LAPTM5: variants seen among roughly 807,000 people sequenced by gnomAD.
LAPTM5 encodes lysosomal protein transmembrane 5.
Under a neutral mutation model 30.1 loss-of-function variants are expected in LAPTM5, and 11 were observed. That is an observed-to-expected ratio of 0.37 (90% CI 0.23 to 0.60). The LOEUF (loss-of-function observed/expected upper bound fraction) is 0.60, where lower values mean the gene tolerates loss of function less well. Ranked by LOEUF, LAPTM5 falls within the 20% of genes least tolerant of loss-of-function variation. LAPTM5 has a pLI of 0.71. For missense variants in LAPTM5, 324 were observed against 332.5 expected, an observed-to-expected ratio of 0.97 and a Z score of 0.20; for synonymous variants, 151 against 137.9, an observed-to-expected ratio of 1.10 and a Z score of -0.67.
At chr1:30,737,837 C>T (rs1331273605) in intron 5 of LAPTM5, 138 bp from the exon 6 acceptor site, 1 of 585,696 alleles carries the variant, frequency 1.7e-6, no homozygotes, top group Non-Finnish European at 3.0e-6. Flanking sequence ...TGGTCGACCG[C>T]CACAGCAGCC....
At chr1:30,735,531 A>C (rs1639873670) in intron 6 of LAPTM5, among the ~76,000 whole-genome samples, 1 of 152,204 alleles carries the variant, frequency 6.6e-6, no homozygotes, top group African/African-American at 2.4e-5. Flanking sequence ...CCCTGGCAAT[A>C]GTCCCACAGC....
intron 2 of LAPTM5, 98 bp downstream of exon 2, chr1:30,742,358 A>T: frequency 1.3e-6 from 1 of 786,366 alleles, no homozygotes; most frequent in Non-Finnish European, 2.1e-6. Flanking sequence ...TCGTCCATGG[A>T]GAGGTGGCAG....
intron 1 of LAPTM5, among the ~76,000 whole-genome samples, chr1:30,750,547 T>C (rs145073645): frequency 1.3e-5 from 2 of 152,294 alleles, no homozygotes; most frequent in East Asian, 3.9e-4. Flanking sequence ...ATGAGTCCCA[T>C]ATTTTTCTGA....
Position 30,734,655 on chromosome 1 carries a change from T to A in LAPTM5, c.699+518A>T, listed in dbSNP as rs77736166. On this transcript the variant is annotated intron_variant, in intron 7 of 7. Coordinates refer to ENST00000294507, the MANE Select transcript of LAPTM5 (RefSeq NM_006762.3). Reference sequence around the variant, plus strand: ...CACCTTACAGGTGAGGAAAGTAAGTTACCAGGAATTTAAACCGTCACTTTC... The same window carrying A: ...CACCTTACAGGTGAGGAAAGTAAGTAACCAGGAATTTAAACCGTCACTTTC... Among the ~76,000 whole-genome samples the A allele has an allele frequency of 6.9e-3, 1,047 of 152,356 alleles. 13 individuals are homozygous for A. The highest frequency in any genetic ancestry group is 0.024 in the African/African-American group (1,002 of 41,576).
At chr1:30,756,210 A>G (rs1222705163) in intron 1 of LAPTM5, among the ~76,000 whole-genome samples, 1 of 152,118 alleles carries the variant, frequency 6.6e-6, no homozygotes, top group Non-Finnish European at 1.5e-5. Context: ...GAAGGCCTAA[A>G]ATACAGGGTA....
intron 1 of LAPTM5, among the ~76,000 whole-genome samples, chr1:30,744,151 T>A (rs901705991): frequency 8.5e-5 from 13 of 152,102 alleles, no homozygotes; most frequent in Admixed American, 2.0e-4. Flanking sequence ...AGGAGCACGG[T>A]GCATGCTCTA....
At chr1:30,754,016 G>A (rs919209097) in intron 1 of LAPTM5, among the ~76,000 whole-genome samples, 1 of 152,212 alleles carries the variant, frequency 6.6e-6, no homozygotes, top group Non-Finnish European at 1.5e-5. Context: ...GCCCAGTTTT[G>A]ACGTATCCTG....
At chr1:30,748,290 G>A (rs1375800488) in intron 1 of LAPTM5, among the ~76,000 whole-genome samples, 1 of 152,140 alleles carries the variant, frequency 6.6e-6, no homozygotes, top group African/African-American at 2.4e-5. Context: ...GACAGGCCCG[G>A]GCTTGTCTTC....
intron 1 of LAPTM5, among the ~76,000 whole-genome samples, chr1:30,745,563 C>T (rs542791072): frequency 3.3e-5 from 5 of 152,212 alleles, no homozygotes; most frequent in South Asian, 2.1e-4. Flanking sequence ...CGGCAGGGGA[C>T]GAGGGAGGAC....
intron 6 of LAPTM5, 127 bp from the exon 7 acceptor site, chr1:30,735,392 G>A (rs139827360): frequency 2.2e-5 from 16 of 741,532 alleles, no homozygotes; most frequent in African/African-American, 8.7e-5. Context: ...GCTCCTGCTC[G>A]GACCTCTCAT....
intron 1 of LAPTM5, among the ~76,000 whole-genome samples, chr1:30,754,792 C>T (rs1368370540): frequency 2.6e-5 from 4 of 152,168 alleles, no homozygotes; most frequent in Admixed American, 2.0e-4. Context: ...GGCACTGTCT[C>T]AGGATGGCAA....
rs545210161 is a variant in LAPTM5 at position 30,740,669 on chromosome 1, C to G, written c.259-732G>C. ...GGCAACCAGAACAATCTTGACTGATCTCAGAGTCTTCAGGGACCACCTGCT... is the reference window on the plus strand; with the variant it reads ...GGCAACCAGAACAATCTTGACTGATGTCAGAGTCTTCAGGGACCACCTGCT... On this transcript the variant is annotated intron_variant, in intron 3 of 7. Coordinates refer to ENST00000294507, the MANE Select transcript of LAPTM5 (RefSeq NM_006762.3). Among the ~76,000 whole-genome samples the G allele has an allele frequency of 3.3e-5, 5 of 152,174 alleles. No homozygotes were observed. In the South Asian group the frequency reaches 1.0e-3, roughly 32 times the overall value.
At chr1:30,737,558 C>T (rs1277657103) in intron 6 of LAPTM5, 46 bp downstream of exon 6, 5 of 1,448,126 alleles carry the variant, frequency 3.5e-6, no homozygotes, top group Non-Finnish European at 4.8e-6. Flanking sequence ...GGGCCCAGCA[C>T]AGCCTCACCA....
At chr1:30,754,019 G>A (rs929233428) in intron 1 of LAPTM5, among the ~76,000 whole-genome samples, 2 of 152,164 alleles carry the variant, frequency 1.3e-5, no homozygotes, top group African/African-American at 4.8e-5. Flanking sequence ...CAGTTTTGAC[G>A]TATCCTGTTT....
chr1:30,756,990 G>A (rs1257455488), intron 1 of LAPTM5, among the ~76,000 whole-genome samples: 2 of 152,228 alleles, frequency 1.3e-5, no homozygotes, highest in African/African-American at 4.8e-5. Flanking sequence ...GGAGGAACCA[G>A]TGACAGCCGT....
chr1:30,737,295 C>G (rs1334326989), intron 6 of LAPTM5, among the ~76,000 whole-genome samples: 1 of 152,248 alleles, frequency 6.6e-6, no homozygotes, highest in African/African-American at 2.4e-5. Flanking sequence ...TGAAGACCAA[C>G]CACGCAGCTA....
rs192378261 is a variant in LAPTM5, at chr1:30,754,274, G to A, written c.87+3385C>T. Among the ~76,000 whole-genome samples, 1,440 of 152,286 alleles carry A rather than the reference G, an allele frequency of 9.5e-3. 12 individuals carry two copies. The highest frequency in any genetic ancestry group is 0.014 in the Middle Eastern group (4 of 294). On this transcript the variant is annotated intron_variant, in intron 1 of 7. Coordinates refer to ENST00000294507, the MANE Select transcript of LAPTM5 (RefSeq NM_006762.3). ...AGACTGGGCTCGGTGGCTCATGCCT[G>A]TAATCCCAGCGCGTTGGGAGGCCAA...
At chr1:30,757,550 G>T in intron 1 of LAPTM5, 109 bp downstream of exon 1, 1 of 1,131,066 alleles carries the variant, frequency 8.8e-7, no homozygotes, top group Non-Finnish European at 1.3e-6. Flanking sequence ...CCAGAGAGGT[G>T]GAGAGCAGGA....
In LAPTM5 at chr1:30,746,736, C is replaced by T. The variant is rs374774651; in HGVS notation, c.88-4187G>A. 5.3e-5 allele frequency among the ~76,000 whole-genome samples: 8 copies of T among 152,188 alleles called. No homozygotes were observed. Among genetic ancestry groups the T allele is most frequent in the South Asian group, 2.1e-4 (1 of 4,832 alleles). Reference sequence around the variant, plus strand: ...GGGTCAGATGGCCCCAGGCCCCAGCCGAGCTCTGCACCCTTGAGCCAGCCA... The same window carrying T: ...GGGTCAGATGGCCCCAGGCCCCAGCTGAGCTCTGCACCCTTGAGCCAGCCA... On this transcript the variant is annotated intron_variant, in intron 1 of 7. Transcript: ENST00000294507. This position sits in a 1 kb window ranked among gnomAD's most constrained non-coding sequence, Gnocchi z 4.0.
Sources: gnomAD v4.1 joint callset for allele counts (sites outside exome capture counted in the v4.1 genomes callset) on GRCh38, gnomAD v4.1.1 for gene constraint, Gnocchi (gnomAD v3.1) non-coding constraint, MANE v1.5 for transcripts, NCBI Gene and HGNC (gene_info 2026-07-23, HGNC 2026-07-21) for gene names.